Variants in LRMDA observed in about 807,000 individuals in gnomAD.
LRMDA encodes leucine rich melanocyte differentiation associated.
In LRMDA, 18 loss-of-function variants were observed where a neutral mutation model predicts 29.8. The ratio of observed to expected loss-of-function variants is 0.60; its 90% CI spans 0.42 to 0.90. The LOEUF (loss-of-function observed/expected upper bound fraction) is 0.90. Ranked by LOEUF, LRMDA falls within the 40% of genes least tolerant of loss-of-function variation. The pLI is 0.00. For missense variants in LRMDA, 273 were observed against 273.9 expected (o/e 1.00, Z 0.02); for synonymous variants, 125 against 109.4 (o/e 1.14, Z -0.89).
chr10:75,996,085 A>T (rs1847456732), intron 2 of LRMDA, among the ~76,000 whole-genome samples: 1 of 152,184 alleles, frequency 6.6e-6, no homozygotes, highest in African/African-American at 2.4e-5. Context: ...TGTGTGTGTA[A>T]AAAGAATCAC....
intron 2 of LRMDA, among the ~76,000 whole-genome samples, chr10:75,970,316 A>G (rs138730352): frequency 7.8e-4 from 119 of 152,330 alleles, no homozygotes; most frequent in African/African-American, 2.6e-3. Context: ...GAGATGAAAC[A>G]TTCATGGGAT....
chr10:75,645,385 A>C (rs1392127089), intron 2 of LRMDA, among the ~76,000 whole-genome samples: 1 of 152,132 alleles, frequency 6.6e-6, no homozygotes, highest in Non-Finnish European at 1.5e-5. Context: ...AACTGACTCA[A>C]GGTCACTCAG....
chr10:75,669,664 G>A (rs1841867072), intron 2 of LRMDA, among the ~76,000 whole-genome samples: 1 of 152,210 alleles, frequency 6.6e-6, no homozygotes, highest in Non-Finnish European at 1.5e-5. Context: ...GAAGTCCAGT[G>A]TAACAAAAGC....
intron 2 of LRMDA, among the ~76,000 whole-genome samples, chr10:75,470,447 A>T (rs1213686183): frequency 6.6e-6 from 1 of 152,166 alleles, no homozygotes; most frequent in African/African-American, 2.4e-5. Context: ...CAGTGAGCTG[A>T]GATTGCACCA....
At chr10:75,698,618 CT>C (rs774569834) in intron 2 of LRMDA, among the ~76,000 whole-genome samples, 4 of 119,010 alleles carry the variant, frequency 3.4e-5, no homozygotes, top group Non-Finnish European at 7.7e-5. Context: ...ACCTTCACCT[CT>C]TTTTTTTTGT....
rs1358579453 is a variant in LRMDA, at chr10:75,949,369, T to C, written c.132-86639T>C. On this transcript the variant is annotated intron_variant, in intron 2 of 6. Coordinates refer to ENST00000611255, the MANE Select transcript of LRMDA (RefSeq NM_001305581.2). ...TGATTGGTTCAACAATGCCTTGTAA[T>C]GTTTGAGCCTTGAGGGCTTCTCAGT... is the stretch of plus-strand genomic sequence containing the variant. Among the ~76,000 whole-genome samples the C allele has an allele frequency of 1.3e-5, 2 of 152,248 alleles. 1 individual carries two copies. The highest frequency in any genetic ancestry group is 4.8e-5 in the African/African-American group (2 of 41,468).
At chr10:75,671,338 A>G (rs1365071287) in intron 2 of LRMDA, among the ~76,000 whole-genome samples, 3 of 151,816 alleles carry the variant, frequency 2.0e-5, no homozygotes, top group Non-Finnish European at 2.9e-5. Context: ...GTATTCCAAG[A>G]CTCTTGGTCA....
intron 2 of LRMDA, among the ~76,000 whole-genome samples, chr10:75,635,215 C>T (rs569401106): frequency 1.2e-4 from 18 of 152,228 alleles, no homozygotes; most frequent in Non-Finnish European, 2.6e-4. Context: ...TGATAAATGA[C>T]AGGCTGGACC....
rs1031240639 is a variant in LRMDA at position 75,569,066 on chromosome 10, A to G, written c.131+130572A>G. ...TCAATCCACTTCAGAGACTTGGATT[A>G]ATGTTGGCATTATTTCTTGAGGGCA... On this transcript the variant is annotated intron_variant, in intron 2 of 6. Transcript: ENST00000611255. Among the ~76,000 whole-genome samples, 5 of 152,084 alleles carry G rather than the reference A, an allele frequency of 3.3e-5. 1 individual carries two copies. The highest frequency in any genetic ancestry group is 3.3e-4 in the Admixed American group (5 of 15,266).
chr10:75,966,264 G>T (rs1196903962), intron 2 of LRMDA, among the ~76,000 whole-genome samples: 1 of 152,196 alleles, frequency 6.6e-6, no homozygotes, highest in African/African-American at 2.4e-5. Flanking sequence ...CAGCATTTCT[G>T]CTCTCTCCCG....
chr10:76,408,857 C>G (rs939116555), intron 6 of LRMDA, among the ~76,000 whole-genome samples: 2 of 152,126 alleles, frequency 1.3e-5, no homozygotes, highest in Non-Finnish European at 2.9e-5. Flanking sequence ...TTTGCATACT[C>G]CCCTCATGTA....
chr10:76,237,785 C>CTTT (rs33976322), intron 5 of LRMDA, among the ~76,000 whole-genome samples: 10,495 of 84,014 alleles, frequency 0.12, 1,262 homozygotes, highest in African/African-American at 0.23. Flanking sequence ...GACAAGAGTG[C>CTTT]TTTTTTTTTT....
At chr10:75,961,481 T>G (rs1846764891) in intron 2 of LRMDA, among the ~76,000 whole-genome samples, 1 of 152,078 alleles carries the variant, frequency 6.6e-6, no homozygotes, top group Non-Finnish European at 1.5e-5. Context: ...AGTATGAACA[T>G]GTTTGTTGAA....
intron 2 of LRMDA, among the ~76,000 whole-genome samples, chr10:76,032,928 G>A (rs1438871269): frequency 6.6e-6 from 1 of 151,972 alleles, no homozygotes; most frequent in East Asian, 1.9e-4. Flanking sequence ...CATACACAAG[G>A]TGATAGCAGA....
intron 2 of LRMDA, among the ~76,000 whole-genome samples, chr10:75,816,483 T>C (rs1051880271): frequency 3.3e-5 from 5 of 152,188 alleles, no homozygotes; most frequent in African/African-American, 7.2e-5. Flanking sequence ...ACTGTGGGTA[T>C]GCTCAACTGT....
chr10:76,374,356 T>A (rs928342188), intron 6 of LRMDA, among the ~76,000 whole-genome samples: 35 of 152,290 alleles, frequency 2.3e-4, no homozygotes, highest in African/African-American at 8.4e-4. Context: ...AATGCCAGCA[T>A]CCTAGAAAAA....
intron 2 of LRMDA, among the ~76,000 whole-genome samples, chr10:75,919,865 T>C (rs1485693648): frequency 1.3e-5 from 2 of 152,182 alleles, no homozygotes; most frequent in Non-Finnish European, 2.9e-5. Context: ...GGCCTTCTGA[T>C]GCTTCTCTGA....
chr10:76,245,165 T>G (rs1589391960), intron 5 of LRMDA, among the ~76,000 whole-genome samples: 1 of 152,188 alleles, frequency 6.6e-6, no homozygotes, highest in Admixed American at 6.5e-5. Flanking sequence ...GGAAGAAAAT[T>G]TTAAAAAATA....
intron 2 of LRMDA, among the ~76,000 whole-genome samples, chr10:75,883,726 G>C (rs533467111): frequency 1.3e-5 from 2 of 151,664 alleles, no homozygotes; most frequent in African/African-American, 4.8e-5. Flanking sequence ...AAAGGAGGAG[G>C]GGGGAGAGGA....
Sources: allele counts gnomAD v4.1 joint callset (sites outside exome capture counted in the v4.1 genomes callset), GRCh38; gene constraint gnomAD v4.1.1; transcripts MANE v1.5; gene names NCBI Gene and HGNC (gene_info 2026-07-23, HGNC 2026-07-21).